DIAPH3: variants seen among roughly 807,000 people sequenced by gnomAD.
The protein encoded by DIAPH3 is diaphanous related formin 3.
DIAPH3 carries 117 observed loss-of-function variants against 144.3 expected under a neutral mutation model. The observed-to-expected ratio is 0.81, with a 90% CI of 0.70 to 0.95. DIAPH3 has a LOEUF of 0.95. Ranked by LOEUF, DIAPH3 falls within the 40% of genes least tolerant of loss-of-function variation. The pLI, the probability that DIAPH3 is intolerant of heterozygous loss-of-function variation, is 0.00. For synonymous variants in DIAPH3, 519 were observed against 488.9 expected (o/e 1.06, Z -0.81); for missense variants, 1,421 against 1,412.7 (o/e 1.01, Z -0.09).
chr13:59,902,831 A>G (rs1048977552), intron 20 of DIAPH3, among the ~76,000 whole-genome samples: 9 of 152,224 alleles, frequency 5.9e-5, no homozygotes, highest in African/African-American at 2.2e-4. Flanking sequence ...TGCTTATCTT[A>G]AAAGATGCAT....
At chr13:60,105,113 A>AAAAAAAAC (rs1566777943) in intron 3 of DIAPH3, among the ~76,000 whole-genome samples, 4 of 149,684 alleles carry the variant, frequency 2.7e-5, no homozygotes, top group African/African-American at 2.4e-5. Flanking sequence ...AAAAAAAAAA[A>AAAAAAAAC]AAAAAAAAAA....
chr13:60,037,666 A>G (rs186470637), intron 5 of DIAPH3, among the ~76,000 whole-genome samples: 3 of 152,134 alleles, frequency 2.0e-5, no homozygotes, highest in Admixed American at 2.0e-4. Flanking sequence ...GAAAGAAGAA[A>G]TGAGGAGGAG....
At position 60,018,751 on chromosome 13, in the gene DIAPH3, C is replaced by T. The variant is rs546439905; in HGVS notation, c.627-2606G>A. On this transcript the variant is annotated intron_variant, in intron 5 of 27. Transcript: ENST00000400324. Reference sequence around the variant, plus strand: ...AATAAAATGAGAGTTGGGCAATGGCCTTCTGAAAACCAGATTATACATTAT... The same window carrying T: ...AATAAAATGAGAGTTGGGCAATGGCTTTCTGAAAACCAGATTATACATTAT... 2.6e-5 allele frequency among the ~76,000 whole-genome samples: 4 copies of T among 152,168 alleles called. No homozygotes were observed. The East Asian group carries it at 7.7e-4, about 29-fold the overall frequency.
intron 5 of DIAPH3, among the ~76,000 whole-genome samples, chr13:60,040,972 C>G (rs534714334): frequency 1.3e-5 from 2 of 152,116 alleles, no homozygotes; most frequent in African/African-American, 2.4e-5. Context: ...TGCCACCATG[C>G]CTGGCTAATT....
chr13:59,931,738 T>A lies in DIAPH3; in HGVS notation c.2075-6868A>T, dbSNP rs146372907. Reference sequence around the variant, plus strand: ...CAGGCTTAAGCAATCAGATAGATGATAATGATGATGTTTATTTAGATAAAC... The same window carrying A: ...CAGGCTTAAGCAATCAGATAGATGAAAATGATGATGTTTATTTAGATAAAC... On this transcript the variant is annotated intron_variant, in intron 17 of 27. Coordinates refer to ENST00000400324, the MANE Select transcript of DIAPH3 (RefSeq NM_001042517.2). Among the ~76,000 whole-genome samples, 544 of 152,316 alleles carry A rather than the reference T, an allele frequency of 3.6e-3. 4 individuals carry two copies. The highest frequency in any genetic ancestry group is 0.013 in the African/African-American group (528 of 41,578).
intron 13 of DIAPH3, among the ~76,000 whole-genome samples, chr13:59,981,571 G>A (rs1369589457): frequency 6.7e-6 from 1 of 149,124 alleles, no homozygotes; most frequent in Non-Finnish European, 1.5e-5. Context: ...GCTTAAATAA[G>A]TTATGATATA....
intron 24 of DIAPH3, among the ~76,000 whole-genome samples, chr13:59,819,103 T>C (rs763082545): frequency 6.6e-6 from 1 of 151,876 alleles, no homozygotes; most frequent in Non-Finnish European, 1.5e-5. Flanking sequence ...TGAACTTAAT[T>C]TGTGAGAATC....
intron 18 of DIAPH3, 68 bp downstream of exon 18, chr13:59,924,706 TA>T: frequency 1.3e-6 from 2 of 1,551,204 alleles, no homozygotes; most frequent in Non-Finnish European, 1.7e-6. Flanking sequence ...TAATCGGTCT[TA>T]AAGAAAATGA....
At chr13:59,673,378 CTT>C (rs1290731821) in intron 27 of DIAPH3, among the ~76,000 whole-genome samples, 1 of 152,176 alleles carries the variant, frequency 6.6e-6, no homozygotes, top group Non-Finnish European at 1.5e-5. Flanking sequence ...ACTCATGCCT[CTT>C]TTTTCTCTCA....
intron 4 of DIAPH3, among the ~76,000 whole-genome samples, chr13:60,061,047 A>G (rs2056750363): frequency 6.6e-6 from 1 of 152,122 alleles, no homozygotes; most frequent in Admixed American, 6.6e-5. Context: ...GATCCTGTAT[A>G]TGAACCTAGT....
intron 27 of DIAPH3, among the ~76,000 whole-genome samples, chr13:59,753,434 G>A (rs2037111115): frequency 6.6e-6 from 1 of 152,116 alleles, no homozygotes; most frequent in African/African-American, 2.4e-5. Context: ...GTTATACTGA[G>A]TTTTTTGGGA....
intron 1 of DIAPH3, among the ~76,000 whole-genome samples, chr13:60,162,817 A>T (rs907970783): frequency 6.1e-5 from 9 of 148,534 alleles, no homozygotes; most frequent in Admixed American, 2.0e-4. Context: ...TCTCACACAC[A>T]CACACACACA....
At chr13:60,156,955 T>C (rs773310458) in intron 1 of DIAPH3, among the ~76,000 whole-genome samples, 3 of 76,698 alleles carry the variant, frequency 3.9e-5, no homozygotes, top group African/African-American at 1.7e-4. Flanking sequence ...TTTTTTTTTT[T>C]TTTTGAGACA....
chr13:59,791,373 A>T (rs959438565), intron 25 of DIAPH3, among the ~76,000 whole-genome samples: 1 of 152,224 alleles, frequency 6.6e-6, no homozygotes, highest in African/African-American at 2.4e-5. Flanking sequence ...TTGAATGCCT[A>T]TGTGCTAGAG....
At position 59,871,200 on chromosome 13, in the gene DIAPH3, G is replaced by A. The variant is rs375141187; in HGVS notation, c.2607+8029C>T. ...TATTTTTTGTCCATTTTTTTTGGGG[G>A]GGGGGGTGGCGGGCATTCTACACAG... On this transcript the variant is annotated intron_variant, in intron 21 of 27. Transcript: ENST00000400324. Among the ~76,000 whole-genome samples the A allele has an allele frequency of 4.8e-5, 7 of 145,212 alleles. No homozygotes were observed. The East Asian group carries it at 1.5e-3, about 30-fold the overall frequency.
intron 4 of DIAPH3, among the ~76,000 whole-genome samples, chr13:60,090,123 G>A (rs2057881763): frequency 6.6e-6 from 1 of 152,122 alleles, no homozygotes; most frequent in South Asian, 2.1e-4. Context: ...CCTTTCATGA[G>A]GGAGGGAAAC....
intron 27 of DIAPH3, among the ~76,000 whole-genome samples, chr13:59,675,002 T>A (rs2032564929): frequency 6.6e-6 from 1 of 152,176 alleles, no homozygotes; most frequent in Non-Finnish European, 1.5e-5. Context: ...AGGGATATGG[T>A]TTGACAGTAT....
chr13:59,838,994 C>T (rs2042191844), intron 23 of DIAPH3: 1 of 259,450 alleles, frequency 3.9e-6, no homozygotes, highest in Admixed American at 4.7e-5. Context: ...GCCTGTAGGC[C>T]CAGCTACTTG....
At chr13:59,982,655 T>C (rs1174516999) in intron 13 of DIAPH3, among the ~76,000 whole-genome samples, 1 of 151,640 alleles carries the variant, frequency 6.6e-6, no homozygotes, top group African/African-American at 2.4e-5. Flanking sequence ...ATCTGACAAA[T>C]GGTGACTTCT....
Sources: gnomAD v4.1 joint callset for allele counts (sites outside exome capture counted in the v4.1 genomes callset) on GRCh38, gnomAD v4.1.1 for gene constraint, MANE v1.5 for transcripts, NCBI Gene and HGNC (gene_info 2026-07-23, HGNC 2026-07-21) for gene names.